Variants in DYM observed in about 807,000 individuals in gnomAD.
DYM encodes the protein dymeclin.
DYM carries 78 observed loss-of-function variants against 93.1 expected under a neutral mutation model. That is an observed-to-expected ratio of 0.84 (90% CI 0.70 to 1.01). The LOEUF (loss-of-function observed/expected upper bound fraction) is 1.01. DYM is among the 50% of genes least tolerant of loss of function. The pLI is 0.00. For missense variants in DYM, 789 were observed against 845.0 expected, an observed-to-expected ratio of 0.93 and a Z score of 0.82; for synonymous variants, 321 against 319.7, an observed-to-expected ratio of 1.00 and a Z score of -0.04.
At chr18:49,145,610 A>G (rs1009231185) in intron 15 of DYM, among the ~76,000 whole-genome samples, 11 of 152,174 alleles carry the variant, frequency 7.2e-5, no homozygotes, top group Admixed American at 6.5e-5. Flanking sequence ...AAATATAAAC[A>G]GATACAAATG....
At chr18:49,323,932 G>A (rs2062695001) in intron 8 of DYM, among the ~76,000 whole-genome samples, 1 of 152,118 alleles carries the variant, frequency 6.6e-6, no homozygotes, top group Admixed American at 6.5e-5. Flanking sequence ...GAGGTCAGGA[G>A]TTCAAGACCA....
rs751296777 is a variant in DYM at position 49,044,160 on chromosome 18, G to A, written c.2070C>T (p.Pro690=). Residue 690 remains proline, a synonymous_variant, in exon 18 of 18, where the codon CCC becomes CCT. Coordinates refer to ENST00000675505, the MANE Select transcript of DYM (RefSeq NM_001353214.3). ...AGACATAGGGGATAAAAAACTCCTCGGGCTGCTCCTCTTCCACATATTTGA... is the reference window on the plus strand; with the variant it reads ...AGACATAGGGGATAAAAAACTCCTCAGGCTGCTCCTCTTCCACATATTTGA... ...LKFKYVEEEQ[P]EEFFIPYVWS... 18 of 1,613,952 alleles carry A rather than the reference G, an allele frequency of 1.1e-5. No individual in the cohort carries two copies. The highest frequency in any genetic ancestry group is 2.2e-5 in the East Asian group (1 of 44,894).
chr18:49,256,909 GAT>G, intron 13 of DYM, 99 bp downstream of exon 13: 1 of 966,364 alleles, frequency 1.0e-6, no homozygotes, highest in Admixed American at 2.0e-5. Flanking sequence ...AGGAAAATTT[GAT>G]AGTCCTCACA....
intron 15 of DYM, among the ~76,000 whole-genome samples, chr18:49,140,301 G>A (rs559212948): frequency 1.2e-3 from 183 of 152,148 alleles, no homozygotes; most frequent in Non-Finnish European, 1.9e-3. Context: ...TTTTTGATAG[G>A]AAAATGACAA....
chr18:49,314,469 T>C (rs556673287), intron 8 of DYM, among the ~76,000 whole-genome samples: 7 of 152,366 alleles, frequency 4.6e-5, no homozygotes, highest in Non-Finnish European at 8.8e-5. Context: ...CGAATTCCTA[T>C]GGAGTACATC....
intron 15 of DYM, among the ~76,000 whole-genome samples, chr18:49,161,860 A>G (rs1425545994): frequency 2.0e-5 from 3 of 152,210 alleles, no homozygotes; most frequent in African/African-American, 7.2e-5. Flanking sequence ...ATATCAGGAC[A>G]ACCATTTAGA....
chr18:49,176,086 G>A (rs2089336567), intron 14 of DYM, among the ~76,000 whole-genome samples: 2 of 152,026 alleles, frequency 1.3e-5, no homozygotes, highest in Non-Finnish European at 2.9e-5. Context: ...ACTAAACAAT[G>A]TTTCTTTAAA....
chr18:49,312,150 G>A (rs546584267), intron 8 of DYM, among the ~76,000 whole-genome samples: 5 of 152,264 alleles, frequency 3.3e-5, no homozygotes, highest in Middle Eastern at 3.4e-3. Context: ...ATTGGGGGAC[G>A]TAAAGGATGA....
At chr18:49,419,961 G>A (rs1369875243) in intron 2 of DYM, among the ~76,000 whole-genome samples, 1 of 152,122 alleles carries the variant, frequency 6.6e-6, no homozygotes, top group African/African-American at 2.4e-5. Context: ...ATGAGCAGCA[G>A]TACTCAGTGA....
chr18:49,052,741 A>C (rs77478443), intron 17 of DYM, among the ~76,000 whole-genome samples: 4,498 of 152,224 alleles, frequency 0.03, 222 homozygotes, highest in African/African-American at 0.1. Flanking sequence ...TTGGGCTTCT[A>C]AGAACCCCTT....
chr18:49,422,651 C>G (rs141752670), intron 2 of DYM, among the ~76,000 whole-genome samples: 13,831 of 152,072 alleles, frequency 0.091, 845 homozygotes, highest in East Asian at 0.31. Context: ...TCAGGAAACC[C>G]ATCTCACGTG....
chr18:49,400,588 A>G (rs1445044116), intron 2 of DYM, among the ~76,000 whole-genome samples: 3 of 152,188 alleles, frequency 2.0e-5, no homozygotes, highest in African/African-American at 7.2e-5. Flanking sequence ...TATTAACTAA[A>G]GGAGTCATAG....
At chr18:49,217,802 G>A (rs2093149750) in intron 13 of DYM, among the ~76,000 whole-genome samples, 1 of 152,160 alleles carries the variant, frequency 6.6e-6, no homozygotes, top group African/African-American at 2.4e-5. Context: ...GCAAAAACAT[G>A]CCAAATTGTA....
intron 2 of DYM, among the ~76,000 whole-genome samples, chr18:49,393,001 A>C (rs1261569862): frequency 7.2e-6 from 1 of 139,450 alleles, no homozygotes; most frequent in Non-Finnish European, 1.5e-5. Flanking sequence ...TCTCAAAAAA[A>C]AAAAAAGAAG....
chr18:49,199,499 T>C (rs1414584691), intron 14 of DYM, among the ~76,000 whole-genome samples: 1 of 152,210 alleles, frequency 6.6e-6, no homozygotes, highest in Admixed American at 6.5e-5. Context: ...AATACCACAT[T>C]ATGGAAAATA....
chr18:49,106,658 C>T (rs1371971865), intron 16 of DYM, among the ~76,000 whole-genome samples: 1 of 152,212 alleles, frequency 6.6e-6, no homozygotes, highest in Non-Finnish European at 1.5e-5. Context: ...TTCTCCTTCA[C>T]TTACGAAGCT....
chr18:49,335,838 G>T (rs1293532213), intron 6 of DYM, among the ~76,000 whole-genome samples: 6 of 151,228 alleles, frequency 4.0e-5, no homozygotes, highest in African/African-American at 1.5e-4. Context: ...TTTGGAGACA[G>T]GGTCTGTGTC....
intron 17 of DYM, chr18:49,049,743 G>A (rs1458017161): frequency 1.9e-5 from 3 of 154,310 alleles, no homozygotes; most frequent in Admixed American, 6.5e-5. Context: ...TGGTCATAGC[G>A]AAGTCTAGTC....
At chr18:49,065,274 T>G (rs1015154297) in intron 17 of DYM, among the ~76,000 whole-genome samples, 9 of 152,202 alleles carry the variant, frequency 5.9e-5, no homozygotes, top group African/African-American at 2.2e-4. Context: ...AACCAGTAAC[T>G]CTGCTAACTC....
Sources: gnomAD v4.1 joint callset for allele counts (sites outside exome capture counted in the v4.1 genomes callset) on GRCh38, gnomAD v4.1.1 for gene constraint, MANE v1.5 for transcripts, NCBI Gene and HGNC (gene_info 2026-07-23, HGNC 2026-07-21) for gene names.